The following PLCL2 variants were observed in gnomAD, a reference collection of about 807,000 sequenced individuals.
The protein encoded by PLCL2 is inactive phospholipase C-like protein 2.
In PLCL2, 4 loss-of-function variants were observed where a neutral mutation model predicts 79.6. That is an observed-to-expected ratio of 0.05 (90% CI 0.02 to 0.11). The LOEUF (loss-of-function observed/expected upper bound fraction) is 0.11. Among genes scored for constraint, PLCL2 ranks in the 10% least tolerant of loss-of-function variants. The pLI, the probability that PLCL2 is intolerant of heterozygous loss-of-function variation, is 1.00. For synonymous variants in PLCL2, 484 were observed against 457.7 expected (o/e 1.06, Z -0.73); for missense variants, 895 against 1,291.0 (o/e 0.69, Z 4.70).
chr3:16,935,449 C>A (rs1445132937), intron 1 of PLCL2, among the ~76,000 whole-genome samples: 1 of 152,102 alleles, frequency 6.6e-6, no homozygotes, highest in Non-Finnish European at 1.5e-5. Flanking sequence ...TCTTCCTCAA[C>A]CCCAGGTTGA....
intron 1 of PLCL2, among the ~76,000 whole-genome samples, chr3:16,942,196 G>C (rs1462695838): frequency 3.9e-5 from 6 of 152,216 alleles, no homozygotes; most frequent in Non-Finnish European, 5.9e-5. Context: ...AGAACCCTAT[G>C]TAGGAAATCT....
chr3:16,931,012 C>T (rs997544644), intron 1 of PLCL2, among the ~76,000 whole-genome samples: 7 of 152,070 alleles, frequency 4.6e-5, no homozygotes, highest in African/African-American at 1.7e-4. Context: ...ATATCTGTAA[C>T]TCCAATGCCT....
intron 1 of PLCL2, among the ~76,000 whole-genome samples, chr3:16,895,069 T>C (rs1300476737): frequency 3.3e-5 from 5 of 151,934 alleles, no homozygotes; most frequent in Non-Finnish European, 5.9e-5. Context: ...CACGTATCTA[T>C]ATAGATATAG....
At chr3:17,014,589 C>A in intron 2 of PLCL2, 119 bp from the exon 3 acceptor site, 1 of 777,888 alleles carries the variant, frequency 1.3e-6, no homozygotes, top group Non-Finnish European at 2.2e-6. Flanking sequence ...TCTGTTATAA[C>A]ACTGTTAATA....
chr3:16,975,669 G>A (rs959018428), intron 1 of PLCL2, among the ~76,000 whole-genome samples: 1 of 152,150 alleles, frequency 6.6e-6, no homozygotes, highest in East Asian at 1.9e-4. Flanking sequence ...TGGGGCGGCA[G>A]GAGTGTGTGT....
At chr3:17,020,552 AT>A (rs34158614) in intron 3 of PLCL2, among the ~76,000 whole-genome samples, 157 of 150,570 alleles carry the variant, frequency 1.0e-3, no homozygotes, top group African/African-American at 3.1e-3. Flanking sequence ...TTTTTCAGTC[AT>A]TTTTTTTTGC....
Position 17,074,641 on chromosome 3 carries a change from T to C in PLCL2, c.3204+6576T>C, listed in dbSNP as rs9818925. On this transcript the variant is annotated intron_variant, in intron 5 of 5. Transcript: ENST00000615277. ...CTGTTTCATCTACATTGAAAATCTG[T>C]TGTTTAGTATAGCCACCTTCATCAA... 2.9e-3 allele frequency among the ~76,000 whole-genome samples: 440 copies of C among 152,374 alleles called. 2 individuals are homozygous for C. Among genetic ancestry groups the C allele is most frequent in the African/African-American group, 9.9e-3 (412 of 41,594 alleles).
intron 3 of PLCL2, among the ~76,000 whole-genome samples, chr3:17,036,103 G>A (rs1366833555): frequency 1.3e-5 from 2 of 152,142 alleles, no homozygotes; most frequent in Non-Finnish European, 1.5e-5. Context: ...CTGGAAGGGA[G>A]GACGACCACA....
chr3:16,906,958 CG>C (rs1465787089), intron 1 of PLCL2, among the ~76,000 whole-genome samples: 14 of 152,122 alleles, frequency 9.2e-5, no homozygotes, highest in Non-Finnish European at 1.6e-4. Flanking sequence ...GTTTTTTCCC[CG>C]CTGAGTTGCA....
At chr3:16,973,997 T>G (rs2063899158) in intron 1 of PLCL2, among the ~76,000 whole-genome samples, 1 of 152,170 alleles carries the variant, frequency 6.6e-6, no homozygotes, top group Non-Finnish European at 1.5e-5. Flanking sequence ...ATCTGAAGAC[T>G]GAGTAGGAGT....
chr3:16,972,590 CAGTGTTGA>C (rs1316397682), intron 1 of PLCL2, among the ~76,000 whole-genome samples: 1 of 152,076 alleles, frequency 6.6e-6, no homozygotes, highest in Non-Finnish European at 1.5e-5. Context: ...GTTGAAGTCT[CAGTGTTGA>C]AGTCTCCCAC....
In PLCL2 at chr3:16,980,981, C is replaced by G. The variant is rs548878652; in HGVS notation, c.328-28693C>G. Among the ~76,000 whole-genome samples, 3 of 152,230 alleles carry G rather than the reference C, an allele frequency of 2.0e-5. No individual in the cohort carries two copies. The East Asian group carries it at 5.8e-4, about 29-fold the overall frequency. ...AAACCTCGTCTCCACCAAAAAAATA[C>G]GAAAACCAGTCAAGCGTGGTGGCGC... is the stretch of plus-strand genomic sequence containing the variant. On this transcript the variant is annotated intron_variant, in intron 1 of 5. Coordinates refer to ENST00000615277, the MANE Select transcript of PLCL2 (RefSeq NM_001144382.2).
intron 1 of PLCL2, among the ~76,000 whole-genome samples, chr3:16,999,860 A>G (rs938399730): frequency 1.3e-5 from 2 of 152,122 alleles, no homozygotes; most frequent in Non-Finnish European, 2.9e-5. Flanking sequence ...CCAGATTGTC[A>G]TTTCTCTTTT....
At chr3:16,894,201 T>C (rs1228012324) in intron 1 of PLCL2, among the ~76,000 whole-genome samples, 4 of 152,238 alleles carry the variant, frequency 2.6e-5, no homozygotes, top group Non-Finnish European at 4.4e-5. Context: ...TAATGTTTAT[T>C]ATTGAATAAA....
At chr3:16,913,672 A>AGAATAT (rs1696930055) in intron 1 of PLCL2, among the ~76,000 whole-genome samples, 1 of 152,132 alleles carries the variant, frequency 6.6e-6, no homozygotes, top group Non-Finnish European at 1.5e-5. Context: ...ATTACTGAAT[A>AGAATAT]GAATATGAAT....
chr3:17,058,188 G>T (rs575879410), intron 4 of PLCL2, among the ~76,000 whole-genome samples: 2 of 152,344 alleles, frequency 1.3e-5, no homozygotes, highest in South Asian at 4.1e-4. Flanking sequence ...GACACAGACA[G>T]AAGAGTGTAT....
At chr3:16,985,939 A>C (rs1478732460) in intron 1 of PLCL2, among the ~76,000 whole-genome samples, 1 of 152,104 alleles carries the variant, frequency 6.6e-6, no homozygotes. Flanking sequence ...AAGAGAACAA[A>C]ATAAAAAGCT....
chr3:16,923,932 A>C (rs1697184162), intron 1 of PLCL2, among the ~76,000 whole-genome samples: 1 of 146,326 alleles, frequency 6.8e-6, no homozygotes, highest in Admixed American at 6.8e-5. Context: ...TCTCAACTCC[A>C]GAATTTCTGT....
intron 3 of PLCL2, among the ~76,000 whole-genome samples, chr3:17,029,018 A>G (rs1299072528): frequency 6.6e-6 from 1 of 152,098 alleles, no homozygotes; most frequent in Non-Finnish European, 1.5e-5. Context: ...CATGCACACA[A>G]AATGCCTCGG....
Sources: allele counts gnomAD v4.1 joint callset (sites outside exome capture counted in the v4.1 genomes callset), GRCh38; gene constraint gnomAD v4.1.1; transcripts MANE v1.5; gene names NCBI Gene and HGNC (gene_info 2026-07-23, HGNC 2026-07-21).